The following MTUS2 variants were observed in gnomAD, a reference collection of about 807,000 sequenced individuals.
The protein encoded by MTUS2 is microtubule associated scaffold protein 2.
MTUS2 carries 40 observed loss-of-function variants against 114.1 expected under a neutral mutation model. The observed-to-expected ratio is 0.35, with a 90% CI of 0.27 to 0.46. The LOEUF is 0.46. MTUS2 is among the 20% of genes least tolerant of loss of function. MTUS2 has a pLI of 1.00. For missense variants in MTUS2, 1,679 were observed against 1,705.4 expected, an observed-to-expected ratio of 0.98 and a Z score of 0.27; for synonymous variants, 688 against 672.0, an observed-to-expected ratio of 1.02 and a Z score of -0.37.
At chr13:29,011,930 A>G (rs1451955533) in intron 2 of MTUS2, among the ~76,000 whole-genome samples, 5 of 152,236 alleles carry the variant, frequency 3.3e-5, no homozygotes, top group Admixed American at 2.0e-4. Flanking sequence ...GATGAAAGAT[A>G]AAAGAAATTC....
intron 9 of MTUS2, among the ~76,000 whole-genome samples, chr13:29,457,801 A>G (rs903998987): frequency 1.3e-5 from 2 of 152,096 alleles, no homozygotes; most frequent in African/African-American, 4.8e-5. Flanking sequence ...ATTCTTGCCA[A>G]CATTTGTCAG....
chr13:29,085,849 A>T (rs980751084), intron 4 of MTUS2, among the ~76,000 whole-genome samples: 10 of 152,138 alleles, frequency 6.6e-5, no homozygotes, highest in African/African-American at 2.2e-4. Context: ...GTTCTTTGAG[A>T]ATTCGCTAAA....
intron 5 of MTUS2, among the ~76,000 whole-genome samples, chr13:29,190,044 T>G (rs1010970479): frequency 6.6e-6 from 1 of 152,164 alleles, no homozygotes. Context: ...CTAGGCTGTC[T>G]GCCAGCATGA....
chr13:28,999,619 G>C (rs75098150), intron 2 of MTUS2, among the ~76,000 whole-genome samples: 2,683 of 152,250 alleles, frequency 0.018, 78 homozygotes, highest in African/African-American at 0.06. Flanking sequence ...TCATTCCTTT[G>C]TAGTGAGAAG....
chr13:28,848,982 G>A (rs1876070928), intron 2 of MTUS2, among the ~76,000 whole-genome samples: 2 of 152,200 alleles, frequency 1.3e-5, no homozygotes, highest in Non-Finnish European at 2.9e-5. Context: ...CAGTCTGGAT[G>A]AATAGCCTAT....
chr13:28,843,410 T>G (rs879890402), intron 2 of MTUS2, among the ~76,000 whole-genome samples: 5 of 152,128 alleles, frequency 3.3e-5, no homozygotes, highest in East Asian at 1.9e-4. Context: ...AGCACCGGGG[T>G]CACAAAGTCT....
chr13:28,937,360 A>T (rs142946862), intron 2 of MTUS2, among the ~76,000 whole-genome samples: 17 of 152,166 alleles, frequency 1.1e-4, no homozygotes, highest in African/African-American at 3.6e-4. Flanking sequence ...TGTAAAATGG[A>T]CCAATCAGCA....
chr13:29,493,558 T>G (rs977563306), intron 12 of MTUS2, among the ~76,000 whole-genome samples: 1 of 152,192 alleles, frequency 6.6e-6, no homozygotes, highest in African/African-American at 2.4e-5. Flanking sequence ...CACTTTCCTC[T>G]GGCAACATAC....
At chr13:28,982,759 T>C in intron 2 of MTUS2, among the ~76,000 whole-genome samples, 1 of 152,224 alleles carries the variant, frequency 6.6e-6, no homozygotes, top group East Asian at 1.9e-4. Flanking sequence ...CGTATTATGT[T>C]AAAGGAAATA....
chr13:29,363,249 T>G (rs1203841413), intron 8 of MTUS2, among the ~76,000 whole-genome samples: 2 of 152,216 alleles, frequency 1.3e-5, no homozygotes, highest in East Asian at 1.9e-4. Flanking sequence ...GCATGGAGTT[T>G]TATACACATT....
chr13:29,264,041 C>T (rs891883755), intron 5 of MTUS2, among the ~76,000 whole-genome samples: 1 of 152,210 alleles, frequency 6.6e-6, no homozygotes, highest in Non-Finnish European at 1.5e-5. Context: ...CACTGATGAG[C>T]CTGTAAAATA....
intron 2 of MTUS2, among the ~76,000 whole-genome samples, chr13:29,003,461 A>C (rs2138391633): frequency 6.6e-6 from 1 of 152,242 alleles, no homozygotes; most frequent in Non-Finnish European, 1.5e-5. Flanking sequence ...TTCCACTTTT[A>C]AATGTAGTTC....
chr13:28,932,187 C>T (rs1881655545), intron 2 of MTUS2, among the ~76,000 whole-genome samples: 2 of 152,144 alleles, frequency 1.3e-5, no homozygotes, highest in African/African-American at 4.8e-5. Flanking sequence ...TGAGAGGCAG[C>T]ACAGAGAGTG....
At chr13:29,497,164 A>G in intron 12 of MTUS2, 74 bp from the exon 13 acceptor site, 11 of 1,368,070 alleles carry the variant, frequency 8.0e-6, no homozygotes, top group Non-Finnish European at 9.4e-6. Context: ...TGGCCTGCTG[A>G]TCACAGCTGC....
At chr13:28,977,894 A>G (rs112284547) in intron 2 of MTUS2, among the ~76,000 whole-genome samples, 61 of 152,342 alleles carry the variant, frequency 4.0e-4, no homozygotes, top group African/African-American at 1.2e-3. Flanking sequence ...TTACAAACCT[A>G]ACCTCTCTCA....
At chr13:29,011,893 T>G (rs1207219870) in intron 2 of MTUS2, among the ~76,000 whole-genome samples, 1 of 152,182 alleles carries the variant, frequency 6.6e-6, no homozygotes, top group Admixed American at 6.5e-5. Flanking sequence ...TCTAGTTCAT[T>G]TGACAGAAGA....
At chr13:29,389,902 C>CATATGTGTATATATGTATGT (rs1244746949) in intron 8 of MTUS2, among the ~76,000 whole-genome samples, 1 of 87,440 alleles carries the variant, frequency 1.1e-5, no homozygotes, top group African/African-American at 4.0e-5. Context: ...TATATACATA[C>CATATGTGTATATATGTATGT]ATATGTGTAT....
chr13:29,431,295 T>C (rs1876972433), intron 8 of MTUS2, among the ~76,000 whole-genome samples: 1 of 152,246 alleles, frequency 6.6e-6, no homozygotes, highest in Non-Finnish European at 1.5e-5. Context: ...TGCTTATGTA[T>C]TTCCAACTTA....
chr13:28,997,254 G>A (rs543185889), intron 2 of MTUS2, among the ~76,000 whole-genome samples: 9,301 of 152,254 alleles, frequency 0.061, 336 homozygotes, highest in African/African-American at 0.084. Flanking sequence ...ACTGTGGTCT[G>A]AGAGACAGTT....
Sources: allele counts gnomAD v4.1 joint callset (sites outside exome capture counted in the v4.1 genomes callset), GRCh38; gene constraint gnomAD v4.1.1; transcripts MANE v1.5; gene names NCBI Gene and HGNC (gene_info 2026-07-23, HGNC 2026-07-21).